BAALC: variants seen among roughly 807,000 people sequenced by gnomAD.
BAALC encodes brain and acute leukemia cytoplasmic protein.
BAALC carries 9 observed loss-of-function variants against 15.5 expected under a neutral mutation model. That is an observed-to-expected ratio of 0.58 (90% confidence interval 0.35 to 1.02). The LOEUF is 1.02. Ranked by LOEUF, BAALC falls within the 50% of genes least tolerant of loss-of-function variation. The pLI, the probability that BAALC is intolerant of heterozygous loss-of-function variation, is 0.02. For missense variants in BAALC, 201 were observed against 192.4 expected (o/e 1.04, Z -0.27); for synonymous variants, 80 against 74.6 (o/e 1.07, Z -0.37).
At chr8:103,187,172 C>A (rs1229055391) in intron 1 of BAALC, among the ~76,000 whole-genome samples, 1 of 152,162 alleles carries the variant, frequency 6.6e-6, no homozygotes. Context: ...TCATATCTTC[C>A]AGGCACATTT....
intron 1 of BAALC, among the ~76,000 whole-genome samples, chr8:103,211,039 A>C (rs1812437810): frequency 6.6e-6 from 1 of 151,992 alleles, no homozygotes; most frequent in African/African-American, 2.4e-5. Flanking sequence ...TCCTCTTCTT[A>C]AGCTGTTCTT....
chr8:103,179,978 G>A (rs781067509), intron 1 of BAALC, among the ~76,000 whole-genome samples: 29 of 152,184 alleles, frequency 1.9e-4, no homozygotes, highest in Non-Finnish European at 4.3e-4. Flanking sequence ...TGTTGTTCCT[G>A]GCGCAGAGGG....
At chr8:103,151,008 T>A (rs1477366059) in intron 1 of BAALC, among the ~76,000 whole-genome samples, 1 of 140,208 alleles carries the variant, frequency 7.1e-6, no homozygotes, top group Non-Finnish European at 1.5e-5. Context: ...GTTGCAATGT[T>A]AAAGAATTTG....
chr8:103,208,908 C>T (rs954371396), intron 1 of BAALC, among the ~76,000 whole-genome samples: 14 of 152,090 alleles, frequency 9.2e-5, no homozygotes, highest in African/African-American at 3.4e-4. Flanking sequence ...TGGCCATAGG[C>T]ATAGGGAGGA....
rs148215255 is a variant in BAALC at position 103,213,334 on chromosome 8, T to G, written c.327+249T>G. 1,689 of 409,172 alleles carry G rather than the reference T, an allele frequency of 4.1e-3. 7 individuals carry two copies. Among genetic ancestry groups the G allele is most frequent in the Non-Finnish European group, 6.1e-3 (1,377 of 225,542 alleles). The allele number at this position is 409,172 out of a possible 1,614,324, so 25.3% of individuals were successfully genotyped here. ...ACAGCTTTATTCAAGGATCTTGTTT[T>G]CTGTGGCCACTGTCACCATGTTGAT... On this transcript the variant is annotated intron_variant, in intron 2 of 2. Transcript: ENST00000309982.
chr8:103,191,650 C>T (rs1811970850), intron 1 of BAALC, among the ~76,000 whole-genome samples: 1 of 151,996 alleles, frequency 6.6e-6, no homozygotes, highest in South Asian at 2.1e-4. Flanking sequence ...GGGGTCAGAT[C>T]ACACAAGCAG....
chr8:103,166,067 G>T (rs1036395014), intron 1 of BAALC: 4 of 152,594 alleles, frequency 2.6e-5, no homozygotes, highest in Non-Finnish European at 4.4e-5. Flanking sequence ...ATTCAAGCAG[G>T]TTCTCCATTG....
chr8:103,199,005 A>G (rs1053510447), intron 1 of BAALC, among the ~76,000 whole-genome samples: 1 of 152,216 alleles, frequency 6.6e-6, no homozygotes, highest in African/African-American at 2.4e-5. Context: ...TTAAATTGCT[A>G]TATAGAATTC....
chr8:103,155,249 T>C (rs1453502041), intron 1 of BAALC, among the ~76,000 whole-genome samples: 1 of 152,246 alleles, frequency 6.6e-6, no homozygotes, highest in Non-Finnish European at 1.5e-5. Flanking sequence ...CAATTTCATA[T>C]ACTTCAAACT....
chr8:103,228,391 T>C lies in BAALC; in HGVS notation c.*292T>C, dbSNP rs771920859. The stretch of plus-strand genomic sequence containing the variant: ...CCTGTAATACGGTCTGGTGTAAAAG[T>C]AGTGAGTTAAAGCTACAGGTCAGTT... On this transcript the variant is annotated 3_prime_UTR_variant, in exon 3 of 3. Coordinates refer to ENST00000309982, the MANE Select transcript of BAALC (RefSeq NM_024812.3). 6.9e-6 allele frequency: 2 copies of C among 289,304 alleles called. No homozygotes were observed. Among genetic ancestry groups the C allele is most frequent in the South Asian group, 7.1e-5 (1 of 14,160 alleles). 17.9% of individuals were successfully genotyped at this position (289,304 alleles called of 1,614,324 possible).
At chr8:103,214,168 G>A (rs1412651713) in intron 2 of BAALC, among the ~76,000 whole-genome samples, 1 of 152,170 alleles carries the variant, frequency 6.6e-6, no homozygotes, top group Non-Finnish European at 1.5e-5. Flanking sequence ...TCTTCAGGAA[G>A]AGTTTTGGCC....
intron 1 of BAALC, among the ~76,000 whole-genome samples, chr8:103,176,121 TGTGA>T (rs1026841147): frequency 7.2e-5 from 11 of 152,134 alleles, no homozygotes; most frequent in African/African-American, 2.7e-4. Context: ...GAAAAAAAGG[TGTGA>T]GTGTGTGTGC....
At chr8:103,171,055 C>A (rs1258639762) in intron 1 of BAALC, among the ~76,000 whole-genome samples, 6 of 150,526 alleles carry the variant, frequency 4.0e-5, no homozygotes, top group Non-Finnish European at 8.9e-5. Flanking sequence ...AGCTATCAAG[C>A]CAAACAGAGC....
At chr8:103,176,917 TC>T (rs1200284579) in intron 1 of BAALC, among the ~76,000 whole-genome samples, 1 of 152,192 alleles carries the variant, frequency 6.6e-6, no homozygotes, top group Non-Finnish European at 1.5e-5. Context: ...CTGTGCTACC[TC>T]CCCTTTGCTG....
rs565867168 is a variant in BAALC, at chr8:103,145,897, A to G, written c.160+4840A>G. ...TTTGCATTTATTTCTGTTAAATTTC[A>G]TCTTATTGGTTTCAGTTTAACGTTT... On this transcript the variant is annotated intron_variant, in intron 1 of 2. Coordinates refer to ENST00000309982, the MANE Select transcript of BAALC (RefSeq NM_024812.3). 9.2e-5 allele frequency among the ~76,000 whole-genome samples: 14 copies of G among 152,330 alleles called. No individual in the cohort carries two copies. In the South Asian group the frequency reaches 2.9e-3, roughly 32 times the overall value.
chr8:103,177,199 T>G (rs1811626499), intron 1 of BAALC, among the ~76,000 whole-genome samples: 1 of 151,692 alleles, frequency 6.6e-6, no homozygotes, highest in African/African-American at 2.4e-5. Context: ...TTTTGTTTTT[T>G]TTTTTTTGAG....
intron 1 of BAALC, among the ~76,000 whole-genome samples, chr8:103,166,928 C>T (rs1042998795): frequency 7.2e-5 from 11 of 152,292 alleles, no homozygotes; most frequent in Middle Eastern, 3.4e-3. Flanking sequence ...TGAAAATACA[C>T]ATCTTCCAGG....
At chr8:103,223,335 A>G (rs1368271437) in intron 2 of BAALC, among the ~76,000 whole-genome samples, 1 of 152,182 alleles carries the variant, frequency 6.6e-6, no homozygotes, top group Non-Finnish European at 1.5e-5. Flanking sequence ...AACAAAACTT[A>G]TCGGCCCTGG....
At position 103,228,070 on chromosome 8, in the gene BAALC, C is replaced by CGAA; in HGVS notation, c.413_415dup (p.Arg138dup). Reference sequence around the variant, plus strand: ...TAGCATCCAACAGATGGACAGAAGTCGAAGAATCACAAAGAACTGTGTCAA... The same window carrying CGAA: ...TAGCATCCAACAGATGGACAGAAGTCGAAGAAGAATCACAAAGAACTGTGTCAA... On this transcript the variant is annotated inframe_insertion, in exon 3 of 3. Coordinates refer to ENST00000309982, the MANE Select transcript of BAALC (RefSeq NM_024812.3). 1 of 1,612,794 alleles carries CGAA rather than the reference C, an allele frequency of 6.2e-7. No homozygotes were observed. Among genetic ancestry groups the CGAA allele is most frequent in the Middle Eastern group, 1.7e-4 (1 of 6,048 alleles).
Sources: allele counts gnomAD v4.1 joint callset (sites outside exome capture counted in the v4.1 genomes callset), GRCh38; gene constraint gnomAD v4.1.1; transcripts MANE v1.5; gene names NCBI Gene and HGNC (gene_info 2026-07-23, HGNC 2026-07-21).